Variants in LAMA4 observed in about 807,000 individuals in gnomAD.
LAMA4 encodes laminin subunit alpha 4, also known as laminin subunit alpha-4.
A neutral mutation model predicts 207.1 loss-of-function variants in LAMA4; 127 were observed. That is an observed-to-expected ratio of 0.61 (90% CI 0.53 to 0.71). The LOEUF (loss-of-function observed/expected upper bound fraction) is 0.71. LAMA4 is among the 30% of genes least tolerant of loss of function. The pLI is 0.00. For synonymous variants in LAMA4, 761 were observed against 816.0 expected (o/e 0.93, Z 1.15); for missense variants, 2,093 against 2,246.5 (o/e 0.93, Z 1.38).
At chr6:112,216,254 A>C in intron 3 of LAMA4, 114 bp downstream of exon 3, 1 of 751,936 alleles carries the variant, frequency 1.3e-6, no homozygotes, top group Non-Finnish European at 2.4e-6. Context: ...GAACAAAAGC[A>C]CTTGATTAGC....
chr6:112,188,241 T>C (rs1284029302), intron 7 of LAMA4, among the ~76,000 whole-genome samples: 1 of 152,248 alleles, frequency 6.6e-6, no homozygotes, highest in African/African-American at 2.4e-5. Context: ...TGGTTGTTAA[T>C]ATGTTAATTT....
intron 26 of LAMA4, among the ~76,000 whole-genome samples, chr6:112,134,120 TG>T (rs1174099343): frequency 6.6e-6 from 1 of 152,226 alleles, no homozygotes; most frequent in Non-Finnish European, 1.5e-5. Context: ...GAGTTCAAAA[TG>T]GGTTTAAGGC....
chr6:112,254,091 G>C lies in LAMA4; in HGVS notation c.60C>G (p.Ala20=). Residue 20 remains alanine (A), a synonymous_variant, in exon 2 of 39, where the codon GCC becomes GCG. Transcript: ENST00000230538. The part of the protein sequence containing the change: ...VLPLWLLWSA[A]CSRAASGDDN... ...CGTCCCCGGACGCGGCGCGGGAGCA[G>C]GCAGCGCTCCAGAGGAGCCACAGAG... 2 of 1,612,532 alleles carry C rather than the reference G, an allele frequency of 1.2e-6. No individual in the cohort carries two copies. The highest frequency in any genetic ancestry group is 4.5e-5 in the East Asian group (2 of 44,854).
In LAMA4 at chr6:112,237,168, G is replaced by A. The variant is rs529343184; in HGVS notation, c.195+16788C>T. On this transcript the variant is annotated intron_variant, in intron 2 of 38. Transcript: ENST00000230538. The stretch of plus-strand genomic sequence containing the variant: ...TTCCTTGAAAAGGGCCAAAAATACC[G>A]TCAGACAGGGAACAGGAAGCATAAA... Among the ~76,000 whole-genome samples, 54 of 152,212 alleles carry A rather than the reference G, an allele frequency of 3.5e-4. No individual in the cohort carries two copies. In the South Asian group the frequency reaches 9.1e-3, roughly 26 times the overall value.
At chr6:112,246,810 G>A (rs200726794) in intron 2 of LAMA4, among the ~76,000 whole-genome samples, 3 of 152,148 alleles carry the variant, frequency 2.0e-5, no homozygotes, top group East Asian at 1.9e-4. Context: ...GTGAGCCACC[G>A]TGCCCAGCTG....
upstream of LAMA4, chr6:112,254,691 C>T (rs1440976927): frequency 6.0e-6 from 1 of 165,716 alleles, no homozygotes; most frequent in Non-Finnish European, 1.3e-5. Context: ...TTTGGAGCCC[C>T]TCCAAGGGCT....
chr6:112,135,109 G>GTC (rs1193112748), intron 25 of LAMA4, among the ~76,000 whole-genome samples: 14 of 80,454 alleles, frequency 1.7e-4, no homozygotes, highest in African/African-American at 6.9e-4. Flanking sequence ...TCCCTTTGTG[G>GTC]TGTGTGTGTG....
intron 18 of LAMA4, among the ~76,000 whole-genome samples, chr6:112,145,829 A>G (rs1779992448): frequency 1.3e-5 from 2 of 152,194 alleles, no homozygotes; most frequent in Admixed American, 1.3e-4. Context: ...ACCACGGTAT[A>G]TATACAAATG....
At chr6:112,175,239 G>A in intron 11 of LAMA4, 74 bp downstream of exon 11, 2 of 1,423,096 alleles carry the variant, frequency 1.4e-6, no homozygotes, top group Middle Eastern at 2.4e-4. Flanking sequence ...TGTTGCCCTA[G>A]GTTTAATGTC....
In LAMA4 at chr6:112,172,764, C is replaced by A; in HGVS notation, c.1398G>T (p.Glu466Asp). ...GGACGACAGGAAACAGAGTGCGGGT[C>A]TCATTGTGCAGCCGCTGCCAGCTCT... ...QAESWQRLHN[E>D]TRTLFPVVLE... The change falls in exon 12 of 39, where the codon GAG becomes GAT. Residue 466 changes from glutamate (E) to aspartate (D), a missense_variant. By Grantham distance (45) the Glu-to-Asp change is conservative. This residue lies in a region of LAMA4 where 1,704 missense variants were observed against 1,788.4 expected (regional missense o/e 0.95). Coordinates refer to ENST00000230538, the MANE Select transcript of LAMA4 (RefSeq NM_001105206.3). 1 of 1,614,062 alleles carries A rather than the reference C, an allele frequency of 6.2e-7. No individual in the cohort carries two copies. Among genetic ancestry groups the A allele is most frequent in the South Asian group, 1.1e-5 (1 of 91,072 alleles).
rs542591931 is a variant in LAMA4 at position 112,143,821 on chromosome 6, C to T, written c.2493+973G>A. 3.9e-5 allele frequency among the ~76,000 whole-genome samples: 6 copies of T among 152,274 alleles called. No individual in the cohort carries two copies. The East Asian group carries it at 9.6e-4, about 24-fold the overall frequency. On this transcript the variant is annotated intron_variant, in intron 19 of 38. Transcript: ENST00000230538. ...ATTACAAGAAAGCACTCATAAAAAC[C>T]TAGCTTTTAGAATGCCATTTCTTGA...
intron 13 of LAMA4, 47 bp downstream of exon 13, chr6:112,165,113 G>T: frequency 3.8e-6 from 4 of 1,039,484 alleles, no homozygotes; most frequent in Non-Finnish European, 6.1e-6. Context: ...AGCTGCTGTT[G>T]TAACCTGCTG....
intron 17 of LAMA4, 51 bp from the exon 18 acceptor site, chr6:112,148,387 T>C: frequency 3.1e-6 from 5 of 1,590,242 alleles, no homozygotes; most frequent in South Asian, 2.2e-5. Flanking sequence ...CGGATATTTG[T>C]TGGGGAACAT....
At chr6:112,129,819 G>T in intron 30 of LAMA4, 57 bp downstream of exon 30, 2 of 1,327,998 alleles carry the variant, frequency 1.5e-6, no homozygotes, top group Non-Finnish European at 2.1e-6. Context: ...TATTTTTGCT[G>T]TTGTCTTGAT....
At chr6:112,116,061 G>T (rs1014719644) in intron 35 of LAMA4, 68 bp from the exon 36 acceptor site, 120 of 1,436,512 alleles carry the variant, frequency 8.4e-5, no homozygotes, top group Non-Finnish European at 1.1e-4. Flanking sequence ...GTGTGATTTT[G>T]TAATTATATA....
intron 2 of LAMA4, chr6:112,217,921 A>T (rs1417029404): frequency 2.6e-5 from 4 of 152,204 alleles, no homozygotes; most frequent in African/African-American, 9.6e-5. Context: ...CCGCAAAGTA[A>T]AACATACATG....
chr6:112,169,285 G>T (rs768956092), intron 12 of LAMA4, among the ~76,000 whole-genome samples: 2 of 152,170 alleles, frequency 1.3e-5, no homozygotes, highest in African/African-American at 4.8e-5. Context: ...GGCTGACTTA[G>T]ACCCTGGGGA....
At position 112,133,334 on chromosome 6, in the gene LAMA4, C is replaced by T. The variant is rs918636275; in HGVS notation, c.3696+15G>A. ...ATTGTGTCTATTAAAAAGCTTTTGA[C>T]TGAGTGGTTCTTACAAGTGAGTCTT... On this transcript the variant is annotated intron_variant, in intron 27 of 38. Coordinates refer to ENST00000230538, the MANE Select transcript of LAMA4 (RefSeq NM_001105206.3). 1.2e-6 allele frequency: 2 copies of T among 1,613,424 alleles called. No individual in the cohort carries two copies. The highest frequency in any genetic ancestry group is 2.2e-5 in the East Asian group (1 of 44,874).
intron 16 of LAMA4, among the ~76,000 whole-genome samples, chr6:112,151,387 C>G (rs1780393323): frequency 6.6e-6 from 1 of 152,112 alleles, no homozygotes; most frequent in African/African-American, 2.4e-5. Flanking sequence ...TGGCTTTCCC[C>G]TCTCATTTCC....
Sources: gnomAD v4.1 joint callset for allele counts (sites outside exome capture counted in the v4.1 genomes callset) on GRCh38, gnomAD v4.1.1 for gene constraint, gnomAD v4.1.1 regional missense constraint, MANE v1.5 for transcripts, NCBI Gene and HGNC (gene_info 2026-07-23, HGNC 2026-07-21) for gene names.